Variants in KIF21B observed in about 807,000 individuals in gnomAD.
KIF21B encodes kinesin family member 21B.
A neutral mutation model predicts 192.9 loss-of-function variants in KIF21B; 85 were observed. That is an observed-to-expected ratio of 0.44 (90% CI 0.37 to 0.53). The LOEUF (loss-of-function observed/expected upper bound fraction) is 0.53. Among genes scored for constraint, KIF21B ranks in the 20% least tolerant of loss-of-function variants. The pLI, the probability that KIF21B is intolerant of heterozygous loss-of-function variation, is 0.00. For synonymous variants in KIF21B, 832 were observed against 884.6 expected (o/e 0.94, Z 1.05); for missense variants, 1,716 against 2,194.8 (o/e 0.78, Z 4.36).
chr1:201,015,420 C>A (rs572106503), intron 1 of KIF21B, among the ~76,000 whole-genome samples: 2 of 152,228 alleles, frequency 1.3e-5, no homozygotes, highest in African/African-American at 4.8e-5. Flanking sequence ...CATATCTGCT[C>A]TTTTCTGCTA....
At position 200,984,959 on chromosome 1, in the gene KIF21B, C is replaced by T. The variant is rs748830296; in HGVS notation, c.3703G>A (p.Gly1235Arg). 6.2e-7 allele frequency: 1 copy of T among 1,606,900 alleles called. No individual in the cohort carries two copies. The highest frequency in any genetic ancestry group is 8.5e-7 in the Non-Finnish European group (1 of 1,177,318). The change falls in exon 27 of 35, where the codon GGA (glycine) becomes AGA (arginine). Residue 1235 changes from glycine (G) to arginine (R), a missense_variant. Around this residue, in one of 3 missense-constraint regions of KIF21B, gnomAD observed 580 missense variants for 775.5 expected, o/e 0.75. Transcript: ENST00000461742. Reference sequence around the variant, plus strand: ...GGAGGGGATGATGGGGGTGTGAATCCCACATCTGTGGACCTGGTGAGTCGG... The same window carrying T: ...GGAGGGGATGATGGGGGTGTGAATCTCACATCTGTGGACCTGGTGAGTCGG... ...RGQPIRSTDV[G>R]FTPPSSPPTR...
intron 34 of KIF21B, chr1:200,974,055 G>C: frequency 6.2e-7 from 1 of 1,604,094 alleles, no homozygotes; most frequent in Non-Finnish European, 8.5e-7. Context: ...AAAGGAAAGA[G>C]GGGAAGAATG....
chr1:201,009,147 A>C, intron 2 of KIF21B, 119 bp downstream of exon 2: 5 of 1,163,944 alleles, frequency 4.3e-6, no homozygotes, highest in Non-Finnish European at 6.1e-6. Context: ...CGGCCTCCTT[A>C]GACAATAGAC....
At position 200,996,379 on chromosome 1, in the gene KIF21B, A is replaced by G. The variant is rs1361558248; in HGVS notation, c.2094T>C (p.Tyr698=). The change falls in exon 15 of 35, where the codon TAT becomes TAC. Residue 698 remains tyrosine, a synonymous_variant. Transcript: ENST00000461742. The part of the protein sequence containing the change: ...VLQNLSTMEC[Y]TEEKANKIKA... ...TGATCTTGTTGGCCTTCTCCTCAGT[A>G]TAGCACTCCATGGTGCCTGAGAGCA... 1 of 1,613,990 alleles carries G rather than the reference A, an allele frequency of 6.2e-7. No individual in the cohort carries two copies. The highest frequency in any genetic ancestry group is 8.5e-7 in the Non-Finnish European group (1 of 1,180,018).
intron 14 of KIF21B, among the ~76,000 whole-genome samples, chr1:200,996,662 C>G (rs1657088323): frequency 6.6e-6 from 1 of 152,166 alleles, no homozygotes; most frequent in Non-Finnish European, 1.5e-5. Context: ...TCCCCAACTT[C>G]CCACGAGGGT....
intron 23 of KIF21B, 46 bp downstream of exon 23, chr1:200,988,447 G>A: frequency 1.2e-6 from 2 of 1,610,392 alleles, no homozygotes; most frequent in South Asian, 1.1e-5. Flanking sequence ...ACCAGCCCCA[G>A]GTACATGCTG....
In KIF21B at chr1:200,990,783, G is replaced by C; in HGVS notation, c.2688-60C>G. ...TCCTTTTAACCTCTGCAGCTCCACT[G>C]AGCCCCCATCTGGAGCTGACAGCCA... On this transcript the variant is annotated intron_variant, in intron 18 of 34. Transcript: ENST00000461742. The surrounding 1 kb of genome is among the most constrained non-coding windows in gnomAD (Gnocchi z 5.4). 2 of 1,600,298 alleles carry C rather than the reference G, an allele frequency of 1.2e-6. No homozygotes were observed. Among genetic ancestry groups the C allele is most frequent in the South Asian group, 2.2e-5 (2 of 90,124 alleles).
Position 200,970,886 on chromosome 1 carries a change from G to A in KIF21B, c.*2635C>T, listed in dbSNP as rs1308600384. The A allele has an allele frequency of 6.6e-6, 1 of 152,528 alleles. No homozygotes were observed. The highest frequency in any genetic ancestry group is 2.4e-5 in the African/African-American group (1 of 41,462). The allele number at this position is 152,528 out of a possible 1,614,324, so 9.4% of individuals were successfully genotyped here. The stretch of plus-strand genomic sequence containing the variant: ...TCCAGTCTTAAGATGGGCACAGAAG[G>A]GCAAGAAGTAAGATGACGAGTCCCA... On this transcript the variant is annotated 3_prime_UTR_variant, in exon 35 of 35. Transcript: ENST00000461742.
Position 200,990,411 on chromosome 1 carries a change from C to T in KIF21B, c.2836-79G>A. ...TGCCAAGCCCTGCCCATAGCTTCCA[C>T]CACAGGCTGGCCTGTGAGGTCCCCC... On this transcript the variant is annotated intron_variant, in intron 19 of 34. Transcript: ENST00000461742. This position sits in a 1 kb window ranked among gnomAD's most constrained non-coding sequence, Gnocchi z 5.4. 1 of 1,493,938 alleles carries T rather than the reference C, an allele frequency of 6.7e-7. No individual in the cohort carries two copies. Among genetic ancestry groups the T allele is most frequent in the Non-Finnish European group, 9.1e-7 (1 of 1,104,268 alleles). 92.5% of individuals were successfully genotyped at this position (1,493,938 alleles called of 1,614,324 possible).
chr1:201,007,638 A>T (rs1223746956), intron 3 of KIF21B, among the ~76,000 whole-genome samples: 2 of 151,414 alleles, frequency 1.3e-5, no homozygotes, highest in African/African-American at 4.8e-5. Flanking sequence ...AGACAGGCAC[A>T]CACACACACA....
chr1:201,020,111 A>G (rs905810951), intron 1 of KIF21B, among the ~76,000 whole-genome samples: 1 of 151,796 alleles, frequency 6.6e-6, no homozygotes, highest in Non-Finnish European at 1.5e-5. Context: ...AAGCACCGCC[A>G]AGCAGACTAA....
rs1205196630 is a variant in KIF21B at position 200,969,919 on chromosome 1, GACCA to G, written c.*3598_*3601del. 6.6e-6 allele frequency: 1 copy of G among 152,578 alleles called. No individual in the cohort carries two copies. The highest frequency in any genetic ancestry group is 1.5e-5 in the Non-Finnish European group (1 of 68,168). 9.5% of individuals were successfully genotyped at this position (152,578 alleles called of 1,614,324 possible). A position where few individuals can be genotyped will look rare whatever the true frequency, so the allele number is the denominator to read the frequency against. On this transcript the variant is annotated 3_prime_UTR_variant, in exon 35 of 35. Transcript: ENST00000461742. ...GAAGGCCTGTGGGGCATTGGCCACTGACCAGGAGGCTATGCCAAGCAAGGAGAGC... is the reference window on the plus strand; with the variant it reads ...GAAGGCCTGTGGGGCATTGGCCACTGGGAGGCTATGCCAAGCAAGGAGAGC...
chr1:200,980,146 C>T (rs1046548693), intron 29 of KIF21B, among the ~76,000 whole-genome samples: 2 of 152,208 alleles, frequency 1.3e-5, no homozygotes, highest in African/African-American at 2.4e-5. Context: ...GACAGCTATC[C>T]CCCTACTGCC....
Position 201,023,216 on chromosome 1 carries a change from C to T in KIF21B, c.41+127G>A. The T allele has an allele frequency of 1.3e-6, 1 of 768,556 alleles. No homozygotes were observed. Among genetic ancestry groups the T allele is most frequent in the Non-Finnish European group, 1.9e-6 (1 of 533,656 alleles). 47.6% of individuals were successfully genotyped at this position (768,556 alleles called of 1,614,324 possible). On this transcript the variant is annotated intron_variant, in intron 1 of 34. Transcript: ENST00000461742. This position sits in a 1 kb window ranked among gnomAD's most constrained non-coding sequence, Gnocchi z 5.9. ...GCGCGCGGCGCCCTCCATCCCGTCC[C>T]ACGCCGGCCCCTCCTCCGGGAGTGC...
rs1194314570 is a variant in KIF21B at position 201,003,678 on chromosome 1, C to G, written c.1120G>C (p.Val374Leu). ...ANRARNIKNK[V>L]VVNQDKTSQQ... ...CTGGTCTTGTCCTGGTTCACTACCA[C>G]CTTGTTCTTGATGTTGCGGGCCCGA... Residue 374 changes from valine to leucine, a missense_variant, in exon 8 of 35, where the codon GTG (valine) becomes CTG (leucine). Val to Leu is a conservative substitution (Grantham distance 32). Transcript: ENST00000461742. The G allele has an allele frequency of 1.2e-6, 2 of 1,614,102 alleles. No homozygotes were observed. Among genetic ancestry groups the G allele is most frequent in the African/African-American group, 2.7e-5 (2 of 74,932 alleles).
chr1:200,973,802 TTTTC>T, intron 34 of KIF21B: 2 of 1,430,824 alleles, frequency 1.4e-6, no homozygotes, highest in Non-Finnish European at 1.8e-6. Context: ...TTGTCATGGG[TTTTC>T]TTTTTTTGGG....
At chr1:201,009,905 G>C (rs2102464965) in intron 1 of KIF21B, among the ~76,000 whole-genome samples, 1 of 152,322 alleles carries the variant, frequency 6.6e-6, no homozygotes, top group Non-Finnish European at 1.5e-5. Context: ...TGACATAAAA[G>C]CACGTACTCC....
rs1197449117 is a variant in KIF21B at position 200,977,367 on chromosome 1, G to C, written c.4170C>G (p.Gly1390=). Residue 1390 remains glycine (G), a synonymous_variant, in exon 31 of 35, where the codon GGC becomes GGG. Coordinates refer to ENST00000461742, the MANE Select transcript of KIF21B (RefSeq NM_001252102.2). ...AKCIRTLTSS[G]QVISGDACAA... ...CACAGGCATCCCCTGAGATCACCTG[G>C]CCCGAGGACCTGCCCATCGGAGAAA... 6.2e-7 allele frequency: 1 copy of C among 1,613,996 alleles called. No homozygotes were observed. The highest frequency in any genetic ancestry group is 1.3e-5 in the African/African-American group (1 of 75,060).
rs1249940581 is a variant in KIF21B at position 200,969,446 on chromosome 1, G to A, written c.*4075C>T. 6.5e-6 allele frequency: 1 copy of A among 152,842 alleles called. No homozygotes were observed. The highest frequency in any genetic ancestry group is 2.4e-5 in the African/African-American group (1 of 41,454). 9.5% of individuals were successfully genotyped at this position (152,842 alleles called of 1,614,324 possible). On this transcript the variant is annotated 3_prime_UTR_variant, in exon 35 of 35. Coordinates refer to ENST00000461742, the MANE Select transcript of KIF21B (RefSeq NM_001252102.2). ...CTTAGAACACACACATCCAATCTAG[G>A]AACAGAAATGTACAACATGGGGCTT...
Sources: allele counts gnomAD v4.1 joint callset (sites outside exome capture counted in the v4.1 genomes callset), GRCh38; gene constraint gnomAD v4.1.1; regional missense constraint gnomAD v4.1.1; non-coding constraint Gnocchi (gnomAD v3.1); transcripts MANE v1.5; gene names NCBI Gene and HGNC (gene_info 2026-07-23, HGNC 2026-07-21).